MTERF4: variants seen among roughly 807,000 people sequenced by gnomAD.
The protein encoded by MTERF4 is mitochondrial transcription termination factor 4.
MTERF4 carries 17 observed loss-of-function variants against 22.5 expected under a neutral mutation model. The ratio of observed to expected loss-of-function variants is 0.75; its 90% CI spans 0.52 to 1.13. The LOEUF is 1.13. Among genes scored for constraint, MTERF4 ranks in the 50% most tolerant of loss-of-function variants. The probability of loss-of-function intolerance (pLI) is 0.00; values close to 1 mark genes in which losing one functional copy is unlikely to be tolerated. For missense variants in MTERF4, 420 were observed against 466.8 expected, an observed-to-expected ratio of 0.90 and a Z score of 0.92; for synonymous variants, 165 against 175.3, an observed-to-expected ratio of 0.94 and a Z score of 0.47.
chr2:241,073,031 A>G lies in MTERF4; in HGVS notation n.3131T>C. ...GGTGGCTGTCCCTGAAGCAGCTCTG[A>G]GGGGGCCCTGCAAGGGGAAGGCCGA... On this transcript the variant is annotated non_coding_transcript_exon_variant, in exon 5 of 5. Transcript: ENST00000464344. The surrounding 1 kb of genome is among the most constrained non-coding windows in gnomAD (Gnocchi z 6.6). 1 of 531,604 alleles carries G rather than the reference A, an allele frequency of 1.9e-6. No individual in the cohort carries two copies. Among genetic ancestry groups the G allele is most frequent in the Non-Finnish European group, 3.3e-6 (1 of 298,860 alleles). 32.9% of individuals were successfully genotyped at this position (531,604 alleles called of 1,614,324 possible).
chr2:241,073,583 G>T lies in MTERF4; in HGVS notation n.2579C>A. 1 of 597,242 alleles carries T rather than the reference G, an allele frequency of 1.7e-6. No individual in the cohort carries two copies. Among genetic ancestry groups the T allele is most frequent in the Non-Finnish European group, 3.0e-6 (1 of 332,006 alleles). 37.0% of individuals were successfully genotyped at this position (597,242 alleles called of 1,614,324 possible). A position where few individuals can be genotyped will look rare whatever the true frequency, so the allele number is the denominator to read the frequency against. The stretch of plus-strand genomic sequence containing the variant: ...CAGACGGGAACAGGCCAGGGGGCAG[G>T]ACCCACCCAAACCACCCAGAGTCTG... On this transcript the variant is annotated non_coding_transcript_exon_variant, in exon 5 of 5. Transcript: ENST00000464344. The surrounding 1 kb of genome is among the most constrained non-coding windows in gnomAD (Gnocchi z 6.6).
chr2:241,075,403 C>G lies in MTERF4; in HGVS notation n.759G>C, dbSNP rs1301760299. On this transcript the variant is annotated non_coding_transcript_exon_variant, in exon 5 of 5. Transcript: ENST00000464344. The surrounding 1 kb of genome is among the most constrained non-coding windows in gnomAD (Gnocchi z 4.8). ...CTAGGTTTTGCCGGGTTTGCAGATC[C>G]TACAGGCAGAACGGGTGGGATGCAC... is the stretch of plus-strand genomic sequence containing the variant. 1 of 152,186 alleles carries G rather than the reference C, an allele frequency of 6.6e-6. No individual in the cohort carries two copies. Among genetic ancestry groups the G allele is most frequent in the African/African-American group, 2.4e-5 (1 of 41,416 alleles). The allele number at this position is 152,186 out of a possible 1,614,324, so 9.4% of individuals were successfully genotyped here.
At chr2:241,044,510 C>T in the MTERF4 span, among the ~76,000 whole-genome samples, 3 of 152,172 alleles carry the variant, frequency 2.0e-5, no homozygotes, top group Admixed American at 6.5e-5. Flanking sequence ...GACCAAGCTT[C>T]GAAGTACCAC....
rs142036268 is a variant in MTERF4 at position 241,095,954 on chromosome 2, C to G, written c.*44G>C. The G allele has an allele frequency of 6.6e-5, 104 of 1,570,538 alleles. No individual in the cohort carries two copies. In the East Asian group the frequency reaches 2.3e-3, roughly 35 times the overall value. Reference sequence around the variant, plus strand: ...AAAGCTTTAAGAGAATGAAAAGCTTCCTTGATATCTCTGGGCCCTTTCGCT... The same window carrying G: ...AAAGCTTTAAGAGAATGAAAAGCTTGCTTGATATCTCTGGGCCCTTTCGCT... On this transcript the variant is annotated 3_prime_UTR_variant, in exon 4 of 4. Transcript: ENST00000391980.
At chr2:241,053,950 C>T in the MTERF4 span, among the ~76,000 whole-genome samples, 171 of 152,302 alleles carry the variant, frequency 1.1e-3, 3 homozygotes, top group South Asian at 0.032. Context: ...CTAGTTTTTA[C>T]GAAGCAAGGA....
the MTERF4 span, chr2:241,049,107 C>A: frequency 6.2e-7 from 1 of 1,612,078 alleles, no homozygotes; most frequent in South Asian, 1.1e-5. Flanking sequence ...ACCTCTGCGT[C>A]TGCCACACCG....
intron 2 of MTERF4, 62 bp downstream of exon 2, chr2:241,099,334 C>T (rs2064595824): frequency 6.5e-7 from 1 of 1,547,164 alleles, no homozygotes. Context: ...CTCGGCCTCC[C>T]AAAGATCTGG....
the MTERF4 span, chr2:241,065,321 C>G: frequency 2.5e-6 from 4 of 1,612,918 alleles, no homozygotes; most frequent in Non-Finnish European, 3.4e-6. Flanking sequence ...CGACGGCCCT[C>G]AAGATGGAGA....
In MTERF4 at chr2:241,095,748, A is replaced by G; in HGVS notation, c.*250T>C. 1.8e-6 allele frequency: 1 copy of G among 552,938 alleles called. No individual in the cohort carries two copies. The highest frequency in any genetic ancestry group is 3.1e-6 in the Non-Finnish European group (1 of 323,016). 34.3% of individuals were successfully genotyped at this position (552,938 alleles called of 1,614,324 possible). The stretch of plus-strand genomic sequence containing the variant: ...CCCTTGATGTGAATAGCTCAACATA[A>G]GTATCTTATTCAGGATGGGACAGGG... On this transcript the variant is annotated 3_prime_UTR_variant, in exon 4 of 4. Coordinates refer to ENST00000391980, the MANE Select transcript of MTERF4 (RefSeq NM_182501.4).
At chr2:241,057,414 C>T in the MTERF4 span, among the ~76,000 whole-genome samples, 1 of 100,544 alleles carries the variant, frequency 9.9e-6, no homozygotes, top group Non-Finnish European at 1.8e-5. Context: ...TATATATATG[C>T]CATACGCAGT....
chr2:241,062,166 G>A, the MTERF4 span, among the ~76,000 whole-genome samples: 1 of 152,276 alleles, frequency 6.6e-6, no homozygotes, highest in Non-Finnish European at 1.5e-5. Context: ...AGAAAACCTA[G>A]TTTTTAAAGA....
At chr2:241,065,456 T>C in the MTERF4 span, 4 of 1,612,938 alleles carry the variant, frequency 2.5e-6, no homozygotes, top group Non-Finnish European at 3.4e-6. Flanking sequence ...GCACAGACTT[T>C]GTGGACAGGA....
downstream of MTERF4, chr2:241,082,322 C>G (rs370194510): frequency 1.9e-5 from 30 of 1,613,580 alleles, no homozygotes; most frequent in Non-Finnish European, 2.5e-5. Context: ...TTCTCCGAGA[C>G]AAAGGCCTTT....
At chr2:241,077,078 CAAA>C (rs377757851) in intron 4 of MTERF4, among the ~76,000 whole-genome samples, 1 of 114,508 alleles carries the variant, frequency 8.7e-6, no homozygotes. Context: ...GACTCCGTCT[CAAA>C]AAAAAAAAAA....
At chr2:241,046,407 C>T in the MTERF4 span, among the ~76,000 whole-genome samples, 1 of 152,198 alleles carries the variant, frequency 6.6e-6, no homozygotes, top group South Asian at 2.1e-4. Context: ...CTCAAATACC[C>T]TTCACTGGGT....
chr2:241,102,270 C>A lies in MTERF4; in HGVS notation c.4G>T (p.Ala2Ser). M[A>S]AFGRQVLDWH... ...GAGCTTACCTGACGGCCGAACGCAG[C>A]CATAGCGCGGAGAAGATGGCAGCAG... The change falls in exon 1 of 4, where the codon GCT (alanine) becomes TCT (serine). Residue 2 changes from alanine (A) to serine (S), a missense_variant. Physicochemically the swap from Ala to Ser is moderately conservative, Grantham distance 99. Transcript: ENST00000391980. 6.5e-7 allele frequency: 1 copy of A among 1,549,736 alleles called. No individual in the cohort carries two copies. Among genetic ancestry groups the A allele is most frequent in the Non-Finnish European group, 8.7e-7 (1 of 1,146,164 alleles).
intron 2 of MTERF4, 161 bp downstream of exon 2, chr2:241,099,235 C>T (rs1246374270): frequency 2.7e-6 from 2 of 753,384 alleles, no homozygotes; most frequent in East Asian, 5.5e-5. Flanking sequence ...CCACCAAGCC[C>T]AGCTAATTTT....
chr2:241,099,799 CAAAG>C lies in MTERF4; in HGVS notation c.113_116del (p.Ser38CysfsTer5), dbSNP rs773999964. The C allele has an allele frequency of 6.2e-7, 1 of 1,614,138 alleles. No individual in the cohort carries two copies. The highest frequency in any genetic ancestry group is 8.5e-7 in the Non-Finnish European group (1 of 1,180,020). ...TGGAGGCTGTAGTCAGTTTGCGCAA[CAAAG>C]AAGCTGTCGTCCTTCTCTGTTCTCC... On this transcript the variant is annotated frameshift_variant, in exon 2 of 4. Transcript: ENST00000391980. LOFTEE classifies it high-confidence loss of function.
At chr2:241,087,767 T>C, downstream of MTERF4, 1 of 1,140,758 alleles carries the variant, frequency 8.8e-7, no homozygotes, top group Non-Finnish European at 1.1e-6. Context: ...CACAGGGTGT[T>C]ACGGACAGCC....
Sources: gnomAD v4.1 joint callset for allele counts (sites outside exome capture counted in the v4.1 genomes callset) on GRCh38, gnomAD v4.1.1 for gene constraint, Gnocchi (gnomAD v3.1) non-coding constraint, MANE v1.5 for transcripts, NCBI Gene and HGNC (gene_info 2026-07-23, HGNC 2026-07-21) for gene names.